FHOD3: variants seen among roughly 807,000 people sequenced by gnomAD.
FHOD3 encodes the protein FH1/FH2 domain-containing protein 3.
Under a neutral mutation model 173.0 loss-of-function variants are expected in FHOD3, and 90 were observed. The observed-to-expected ratio is 0.52, with a 90% CI of 0.44 to 0.62. FHOD3 has a LOEUF of 0.62. Ranked by LOEUF, FHOD3 falls within the 20% of genes least tolerant of loss-of-function variation. The probability of loss-of-function intolerance (pLI) is 0.00; values close to 1 mark genes in which losing one functional copy is unlikely to be tolerated. For synonymous variants in FHOD3, 828 were observed against 823.0 expected (o/e 1.01, Z -0.10); for missense variants, 1,945 against 2,034.7 (o/e 0.96, Z 0.85).
intron 3 of FHOD3, among the ~76,000 whole-genome samples, chr18:36,498,230 T>C (rs1400476035): frequency 6.6e-6 from 1 of 152,144 alleles, no homozygotes; most frequent in Non-Finnish European, 1.5e-5. Context: ...GATGAACTTA[T>C]AGCATTAAAT....
chr18:36,621,216 A>T (rs558128206), intron 9 of FHOD3, among the ~76,000 whole-genome samples: 1 of 152,360 alleles, frequency 6.6e-6, no homozygotes, highest in South Asian at 2.1e-4. Context: ...GGGGTCAGGC[A>T]TCTTAAGGCT....
chr18:36,630,459 T>G (rs570766820), intron 10 of FHOD3, among the ~76,000 whole-genome samples: 1 of 152,316 alleles, frequency 6.6e-6, no homozygotes, highest in South Asian at 2.1e-4. Flanking sequence ...GGACCAAGCC[T>G]TGACTTAATC....
At chr18:36,566,258 G>A (rs576272680) in intron 5 of FHOD3, among the ~76,000 whole-genome samples, 5 of 152,034 alleles carry the variant, frequency 3.3e-5, no homozygotes, top group East Asian at 1.9e-4. Flanking sequence ...ATTTGGTATC[G>A]GATCCTTGTA....
At chr18:36,481,609 A>G (rs1035553272) in intron 3 of FHOD3, among the ~76,000 whole-genome samples, 1 of 152,160 alleles carries the variant, frequency 6.6e-6, no homozygotes, top group Non-Finnish European at 1.5e-5. Flanking sequence ...GATACCACGC[A>G]GACATTTTTC....
At chr18:36,523,379 C>T (rs1233145147) in intron 5 of FHOD3, among the ~76,000 whole-genome samples, 1 of 152,216 alleles carries the variant, frequency 6.6e-6, no homozygotes, top group Non-Finnish European at 1.5e-5. Context: ...ACTCCAAGAA[C>T]AGAGTTGGAA....
chr18:36,308,613 C>T (rs964302715), intron 1 of FHOD3, among the ~76,000 whole-genome samples: 4 of 152,226 alleles, frequency 2.6e-5, no homozygotes, highest in Non-Finnish European at 5.9e-5. Flanking sequence ...GGGCTGTGCA[C>T]TGAGCACCTT....
intron 1 of FHOD3, among the ~76,000 whole-genome samples, chr18:36,329,139 G>A (rs867422893): frequency 6.6e-6 from 1 of 152,216 alleles, no homozygotes; most frequent in African/African-American, 2.4e-5. Flanking sequence ...AACCACTTCC[G>A]TTGCTTCCTT....
chr18:36,504,602 G>T (rs1173974207), intron 4 of FHOD3, among the ~76,000 whole-genome samples: 1 of 148,256 alleles, frequency 6.7e-6, no homozygotes, highest in Non-Finnish European at 1.5e-5. Flanking sequence ...TGGGGTGGGG[G>T]CAGGGGGGAG....
chr18:36,462,007 C>G (rs2052584270), intron 3 of FHOD3, among the ~76,000 whole-genome samples: 1 of 152,128 alleles, frequency 6.6e-6, no homozygotes, highest in African/African-American at 2.4e-5. Flanking sequence ...AACATAGTAT[C>G]CACTGTAGAA....
chr18:36,399,657 T>A (rs554266820), intron 3 of FHOD3, among the ~76,000 whole-genome samples: 3 of 152,328 alleles, frequency 2.0e-5, no homozygotes, highest in African/African-American at 7.2e-5. Context: ...GCTCAGGTGC[T>A]CTAGGGCCTT....
At chr18:36,451,050 G>A (rs2144297782) in intron 3 of FHOD3, among the ~76,000 whole-genome samples, 1 of 152,132 alleles carries the variant, frequency 6.6e-6, no homozygotes, top group Non-Finnish European at 1.5e-5. Context: ...CTTTTTACAA[G>A]CCAACCATAT....
chr18:36,488,309 A>T (rs955482693), intron 3 of FHOD3, among the ~76,000 whole-genome samples: 3 of 152,082 alleles, frequency 2.0e-5, no homozygotes, highest in African/African-American at 7.2e-5. Flanking sequence ...CTTTTTTCTC[A>T]AAGTGTTTAG....
chr18:36,512,353 G>C (rs1257624292), intron 4 of FHOD3, 85 bp from the exon 5 acceptor site: 1 of 996,332 alleles, frequency 1.0e-6, no homozygotes, highest in Non-Finnish European at 1.6e-6. Flanking sequence ...GGCTTTAAAG[G>C]CTTGTACATA....
chr18:36,657,866 G>T (rs1056873075), intron 13 of FHOD3, among the ~76,000 whole-genome samples: 1 of 152,124 alleles, frequency 6.6e-6, no homozygotes, highest in Non-Finnish European at 1.5e-5. Context: ...GCTGCCTAAT[G>T]GTTTTAGACT....
At chr18:36,441,854 G>A (rs1401380426) in intron 3 of FHOD3, among the ~76,000 whole-genome samples, 1 of 152,174 alleles carries the variant, frequency 6.6e-6, no homozygotes, top group Admixed American at 6.5e-5. Context: ...AAGGAACCTT[G>A]CTCAAGTTAC....
chr18:36,385,074 A>G (rs1282382911), intron 3 of FHOD3, among the ~76,000 whole-genome samples: 3 of 152,198 alleles, frequency 2.0e-5, no homozygotes, highest in Non-Finnish European at 4.4e-5. Flanking sequence ...CTTGCCTCCA[A>G]TTCTTGAAGG....
At chr18:36,763,608 A>AATATGTGTATTATACACGTTATATATAAT (rs1242015915) in intron 27 of FHOD3, among the ~76,000 whole-genome samples, 3 of 147,584 alleles carry the variant, frequency 2.0e-5, no homozygotes, top group Non-Finnish European at 4.5e-5. Context: ...CGTTATATAT[A>AATATGTGTATTATACACGTTATATATAAT]ATATGTGTAT....
At chr18:36,560,429 C>G (rs1383979987) in intron 5 of FHOD3, among the ~76,000 whole-genome samples, 1 of 152,216 alleles carries the variant, frequency 6.6e-6, no homozygotes, top group Non-Finnish European at 1.5e-5. Context: ...GGGATGGCCT[C>G]AAACACAAGT....
At chr18:36,649,255 A>G in intron 10 of FHOD3, 61 bp from the exon 11 acceptor site, 2 of 1,208,546 alleles carry the variant, frequency 1.7e-6, no homozygotes, top group South Asian at 1.3e-5. Context: ...TTTGTCTGTA[A>G]TGCTCATCTC....
Sources: gnomAD v4.1 joint callset for allele counts (sites outside exome capture counted in the v4.1 genomes callset) on GRCh38, gnomAD v4.1.1 for gene constraint, MANE v1.5 for transcripts, NCBI Gene and HGNC (gene_info 2026-07-23, HGNC 2026-07-21) for gene names.